AP4E1: variants seen among roughly 807,000 people sequenced by gnomAD.
AP4E1 encodes the protein adaptor related protein complex 4 subunit epsilon 1.
AP4E1 carries 56 observed loss-of-function variants against 128.2 expected under a neutral mutation model. The ratio of observed to expected loss-of-function variants is 0.44; its 90% CI spans 0.35 to 0.55. The LOEUF is 0.55. AP4E1 is among the 20% of genes least tolerant of loss of function. The pLI is 0.00. For missense variants in AP4E1, 1,324 were observed against 1,307.7 expected (o/e 1.01, Z -0.19); for synonymous variants, 484 against 473.1 (o/e 1.02, Z -0.30).
chr15:50,995,986 T>C (rs1200256627), intron 17 of AP4E1, among the ~76,000 whole-genome samples: 3 of 132,560 alleles, frequency 2.3e-5, no homozygotes, highest in Non-Finnish European at 3.3e-5. Context: ...ACATCTTTTT[T>C]TTTTTTTTTT....
chr15:50,978,561 G>A (rs1049258540), intron 15 of AP4E1, among the ~76,000 whole-genome samples: 2 of 152,164 alleles, frequency 1.3e-5, no homozygotes, highest in African/African-American at 2.4e-5. Flanking sequence ...TAGGTTGAAT[G>A]TTGAATTATT....
At chr15:50,932,595 T>C (rs1172123868) in intron 7 of AP4E1, among the ~76,000 whole-genome samples, 1 of 152,242 alleles carries the variant, frequency 6.6e-6, no homozygotes, top group Non-Finnish European at 1.5e-5. Flanking sequence ...ATTTTATGAA[T>C]ATTGTTCCCT....
At chr15:50,908,257 C>T (rs1437767629), upstream of AP4E1, among the ~76,000 whole-genome samples, 1 of 152,194 alleles carries the variant, frequency 6.6e-6, no homozygotes, top group African/African-American at 2.4e-5. Context: ...AGGGCCGGAG[C>T]CGCGCGCGGC....
chr15:50,964,955 CCACACACA>C (rs55825810), intron 14 of AP4E1, among the ~76,000 whole-genome samples: 4 of 131,368 alleles, frequency 3.0e-5, no homozygotes, highest in South Asian at 5.2e-4. Flanking sequence ...CCTCCCCCTA[CCACACACA>C]CACACACACA....
At chr15:50,990,445 G>A (rs1028464810) in intron 16 of AP4E1, among the ~76,000 whole-genome samples, 1 of 150,598 alleles carries the variant, frequency 6.6e-6, no homozygotes, top group African/African-American at 2.4e-5. Flanking sequence ...TGCATCCTCC[G>A]CTTCCTGGGT....
At chr15:50,937,001 C>T (rs999445612) in intron 8 of AP4E1, among the ~76,000 whole-genome samples, 2 of 151,670 alleles carry the variant, frequency 1.3e-5, no homozygotes, top group Admixed American at 6.6e-5. Flanking sequence ...GGCTCTTGGT[C>T]CAGTGTTTCA....
intron 11 of AP4E1, among the ~76,000 whole-genome samples, chr15:50,949,153 G>T (rs566292028): frequency 6.6e-6 from 1 of 151,982 alleles, no homozygotes; most frequent in South Asian, 2.1e-4. Context: ...CTAAACACCT[G>T]TAATCACAGC....
chr15:50,960,765 A>G (rs569300058), intron 14 of AP4E1, among the ~76,000 whole-genome samples: 15 of 152,146 alleles, frequency 9.9e-5, no homozygotes, highest in African/African-American at 3.1e-4. Context: ...GTAGAAGGAA[A>G]TAAATAGTAA....
At chr15:50,966,421 T>C (rs755186148) in intron 14 of AP4E1, among the ~76,000 whole-genome samples, 66 of 152,196 alleles carry the variant, frequency 4.3e-4, no homozygotes, top group Non-Finnish European at 8.1e-4. Flanking sequence ...TTTATTGAAA[T>C]GATGAATGAA....
At chr15:50,987,680 AT>A (rs549809576) in intron 16 of AP4E1, among the ~76,000 whole-genome samples, 3 of 152,088 alleles carry the variant, frequency 2.0e-5, no homozygotes, top group Non-Finnish European at 4.4e-5. Context: ...GTTTGTTATA[AT>A]TTCTGTTTTT....
chr15:50,907,861 T>C (rs2063506815), upstream of AP4E1, among the ~76,000 whole-genome samples: 1 of 152,202 alleles, frequency 6.6e-6, no homozygotes, highest in Admixed American at 6.5e-5. Flanking sequence ...CTGTTCTAGA[T>C]AAAAGACGGA....
In AP4E1 at chr15:51,003,853, G is replaced by C. The variant is rs2064992274; in HGVS notation, c.*1191G>C. On this transcript the variant is annotated 3_prime_UTR_variant, in exon 21 of 21. Transcript: ENST00000261842. ...TTTAAGTCATTGCAGTTAATACTCT[G>C]GTTAATTGGTACTGTTAATCACCCA... The C allele has an allele frequency of 6.6e-6, 1 of 152,498 alleles. No homozygotes were observed. Among genetic ancestry groups the C allele is most frequent in the Non-Finnish European group, 1.5e-5 (1 of 68,010 alleles). 9.4% of individuals were successfully genotyped at this position (152,498 alleles called of 1,614,324 possible). A position where few individuals can be genotyped will look rare whatever the true frequency, so the allele number is the denominator to read the frequency against.
At chr15:50,946,367 A>G (rs987160577) in intron 10 of AP4E1, among the ~76,000 whole-genome samples, 1 of 152,230 alleles carries the variant, frequency 6.6e-6, no homozygotes, top group Admixed American at 6.5e-5. Flanking sequence ...AATAATAATT[A>G]CAATGATGTT....
At chr15:50,958,890 G>T in intron 14 of AP4E1, 96 bp downstream of exon 14, 1 of 1,308,160 alleles carries the variant, frequency 7.6e-7, no homozygotes, top group South Asian at 1.2e-5. Context: ...TCAAAATGTG[G>T]TTTCTGTAGC....
Position 50,993,490 on chromosome 15 carries a change from A to G in AP4E1, c.2211A>G (p.Ile737Met). Reference sequence around the variant, plus strand: ...CTCTGCCTGTTCCTCAAGAGAGTATAATGGAGAATGTAGATCAAGCTATAA... The same window carrying G: ...CTCTGCCTGTTCCTCAAGAGAGTATGATGGAGAATGTAGATCAAGCTATAA... ...SGALPVPQES[I>M]MENVDQAITK... The change falls in exon 17 of 21, where the codon ATA becomes ATG. Residue 737 changes from isoleucine (I) to methionine (M), a missense_variant. Coordinates refer to ENST00000261842, the MANE Select transcript of AP4E1 (RefSeq NM_007347.5). The G allele has an allele frequency of 6.2e-7, 1 of 1,614,038 alleles. No homozygotes were observed. Among genetic ancestry groups the G allele is most frequent in the Non-Finnish European group, 8.5e-7 (1 of 1,179,990 alleles).
In AP4E1 at chr15:50,997,677, A is replaced by G; in HGVS notation, c.2698A>G (p.Ser900Gly). The change falls in exon 18 of 21, where the codon AGC becomes GGC. Residue 900 changes from serine to glycine, a missense_variant. Ser to Gly is a moderately conservative substitution (Grantham distance 56). Transcript: ENST00000261842. ...QSTAASVAKESSLASSFLEET... is the reference protein window; with the variant it reads ...QSTAASVAKEGSLASSFLEET... ...TACTGCAGCCTCAGTTGCCAAGGAA[A>G]GCTCTTTAGCTTCATCTTTTTTGGA... 6.2e-7 allele frequency: 1 copy of G among 1,614,060 alleles called. No homozygotes were observed. Among genetic ancestry groups the G allele is most frequent in the Non-Finnish European group, 8.5e-7 (1 of 1,179,988 alleles).
intron 13 of AP4E1, among the ~76,000 whole-genome samples, chr15:50,951,579 T>C (rs1034204130): frequency 6.6e-6 from 1 of 152,188 alleles, no homozygotes; most frequent in African/African-American, 2.4e-5. Flanking sequence ...ATTTTAATAT[T>C]TTATAGAATT....
chr15:50,955,010 A>G (rs763994211), intron 13 of AP4E1, among the ~76,000 whole-genome samples: 31 of 152,312 alleles, frequency 2.0e-4, no homozygotes, highest in Non-Finnish European at 3.4e-4. Context: ...ATGTCCCTAC[A>G]AAGGACGCGA....
chr15:50,986,990 G>T (rs1343185413), intron 16 of AP4E1, among the ~76,000 whole-genome samples: 1 of 152,166 alleles, frequency 6.6e-6, no homozygotes, highest in African/African-American at 2.4e-5. Flanking sequence ...TTCAGAGCCT[G>T]TTATTGGTCT....
Sources: gnomAD v4.1 joint callset for allele counts (sites outside exome capture counted in the v4.1 genomes callset) on GRCh38, gnomAD v4.1.1 for gene constraint, MANE v1.5 for transcripts, NCBI Gene and HGNC (gene_info 2026-07-23, HGNC 2026-07-21) for gene names.